The following APLF variants were observed in gnomAD, a reference collection of about 807,000 sequenced individuals.
APLF encodes aprataxin and PNKP like factor.
A neutral mutation model predicts 55.6 loss-of-function variants in APLF; 61 were observed. That is an observed-to-expected ratio of 1.10 (90% CI 0.89 to 1.36). The LOEUF (loss-of-function observed/expected upper bound fraction) is 1.36, where lower values mean the gene tolerates loss of function less well. APLF is among the 40% of genes most tolerant of loss of function. APLF has a pLI of 0.00. For synonymous variants in APLF, 207 were observed against 214.8 expected (o/e 0.96, Z 0.32); for missense variants, 611 against 602.5 (o/e 1.01, Z -0.15).
At chr2:68,490,146 A>G (rs772913263) in intron 1 of APLF, 44 bp from the exon 2 acceptor site, 2 of 1,438,114 alleles carry the variant, frequency 1.4e-6, no homozygotes, top group Non-Finnish European at 1.9e-6. Flanking sequence ...GTTGCTTTTT[A>G]AGGAGGTGGC....
intron 5 of APLF, among the ~76,000 whole-genome samples, chr2:68,517,762 A>C (rs564047582): frequency 2.3e-4 from 34 of 145,378 alleles, no homozygotes; most frequent in African/African-American, 7.4e-4. Context: ...TACTGTTAAT[A>C]TATAACAGTA....
At chr2:68,506,741 A>G (rs1161381103) in intron 3 of APLF, among the ~76,000 whole-genome samples, 1 of 152,090 alleles carries the variant, frequency 6.6e-6, no homozygotes, top group South Asian at 2.1e-4. Flanking sequence ...AATGTTTACT[A>G]TAGCACTCAT....
chr2:68,480,373 C>T (rs943717929), intron 1 of APLF, among the ~76,000 whole-genome samples: 1 of 150,998 alleles, frequency 6.6e-6, no homozygotes, highest in Non-Finnish European at 1.5e-5. Flanking sequence ...GGCATGATCT[C>T]GGCTCACTGC....
At chr2:68,561,263 C>G (rs1305483699) in intron 8 of APLF, among the ~76,000 whole-genome samples, 1 of 152,142 alleles carries the variant, frequency 6.6e-6, no homozygotes, top group East Asian at 1.9e-4. Context: ...GTTATCCCTC[C>G]TTTTCAGATG....
chr2:68,483,930 A>G (rs974532420), intron 1 of APLF, among the ~76,000 whole-genome samples: 5 of 152,152 alleles, frequency 3.3e-5, no homozygotes, highest in African/African-American at 9.7e-5. Flanking sequence ...TGTGTTGTCT[A>G]TATTATATGT....
intron 5 of APLF, among the ~76,000 whole-genome samples, chr2:68,518,212 A>G (rs866812633): frequency 8.2e-6 from 1 of 121,242 alleles, no homozygotes; most frequent in Non-Finnish European, 1.6e-5. Flanking sequence ...ATAATAATAT[A>G]TCGTTAATAT....
rs2103990100 is a variant in APLF, at chr2:68,529,490, A to G, written c.804+3248A>G. On this transcript the variant is annotated intron_variant, in intron 6 of 9. Coordinates refer to ENST00000303795, the MANE Select transcript of APLF (RefSeq NM_173545.3). The surrounding 1 kb of genome is among the most constrained non-coding windows in gnomAD (Gnocchi z 4.4). ...TTTGAGCGAGTTGTGCACAGACGAAACTAAGGGTCAGAAGCGGAGAGGATA... is the reference window on the plus strand; with the variant it reads ...TTTGAGCGAGTTGTGCACAGACGAAGCTAAGGGTCAGAAGCGGAGAGGATA... 9.5e-7 allele frequency: 1 copy of G among 1,053,984 alleles called. No individual in the cohort carries two copies. Among genetic ancestry groups the G allele is most frequent in the Non-Finnish European group, 1.1e-6 (1 of 870,710 alleles). The allele number at this position is 1,053,984 out of a possible 1,614,324, so 65.3% of individuals were successfully genotyped here.
chr2:68,517,780 A>G (rs1034333551), intron 5 of APLF, among the ~76,000 whole-genome samples: 2 of 145,232 alleles, frequency 1.4e-5, no homozygotes, highest in Admixed American at 7.0e-5. Flanking sequence ...GTAATATATC[A>G]CTAATATAAT....
intron 2 of APLF, among the ~76,000 whole-genome samples, chr2:68,492,371 T>G (rs567757082): frequency 6.6e-6 from 1 of 152,056 alleles, no homozygotes; most frequent in Admixed American, 6.5e-5. Context: ...CCAGCTACTC[T>G]GGAGGCTGAG....
chr2:68,572,558 G>A (rs983757553), intron 9 of APLF, among the ~76,000 whole-genome samples: 1 of 152,222 alleles, frequency 6.6e-6, no homozygotes, highest in African/African-American at 2.4e-5. Context: ...CAGTTTGGCT[G>A]GGTGTGGTGG....
In APLF at chr2:68,529,322, C is replaced by A; in HGVS notation, c.804+3080C>A. On this transcript the variant is annotated intron_variant, in intron 6 of 9. Transcript: ENST00000303795. This position sits in a 1 kb window ranked among gnomAD's most constrained non-coding sequence, Gnocchi z 4.4. ...GAGGAGTGGGAAACAGCCAAAGAGTCCTGGGGCAGGCACAGGTGCAGGAGC... is the reference window on the plus strand; with the variant it reads ...GAGGAGTGGGAAACAGCCAAAGAGTACTGGGGCAGGCACAGGTGCAGGAGC... 7.4e-7 allele frequency: 1 copy of A among 1,358,044 alleles called. No homozygotes were observed. Among genetic ancestry groups the A allele is most frequent in the South Asian group, 1.9e-5 (1 of 53,148 alleles). The allele number at this position is 1,358,044 out of a possible 1,614,324, so 84.1% of individuals were successfully genotyped here.
intron 1 of APLF, among the ~76,000 whole-genome samples, chr2:68,471,302 G>A (rs936695256): frequency 6.6e-6 from 1 of 152,170 alleles, no homozygotes; most frequent in African/African-American, 2.4e-5. Flanking sequence ...AATGAATTAA[G>A]TTTTAACATT....
At chr2:68,540,551 A>T (rs1399605275) in intron 7 of APLF, among the ~76,000 whole-genome samples, 1 of 152,038 alleles carries the variant, frequency 6.6e-6, no homozygotes, top group South Asian at 2.1e-4. Flanking sequence ...GGGTCAAAAG[A>T]TATTTCTGGT....
intron 9 of APLF, among the ~76,000 whole-genome samples, chr2:68,567,792 C>T (rs1172132590): frequency 6.6e-6 from 1 of 152,020 alleles, no homozygotes; most frequent in Non-Finnish European, 1.5e-5. Context: ...TTCATTCTGT[C>T]TTTAGAGGGG....
intron 8 of APLF, among the ~76,000 whole-genome samples, chr2:68,564,947 G>A (rs1235932104): frequency 6.6e-6 from 1 of 152,066 alleles, no homozygotes; most frequent in Non-Finnish European, 1.5e-5. Context: ...GCCACATGTG[G>A]CTGTTTACAT....
In APLF at chr2:68,468,492, T is replaced by C. The variant is rs1431369839; in HGVS notation, c.96+665T>C. ...CAAGACCGTATCAGTTAGCTATTTT[T>C]ATTATCCTCATTGTTCAGATGAGAA... On this transcript the variant is annotated intron_variant, in intron 1 of 9. Coordinates refer to ENST00000303795, the MANE Select transcript of APLF (RefSeq NM_173545.3). Among the ~76,000 whole-genome samples, 4 of 152,362 alleles carry C rather than the reference T, an allele frequency of 2.6e-5. No homozygotes were observed. The East Asian group carries it at 7.7e-4, about 29-fold the overall frequency.
At chr2:68,565,491 T>G (rs970122289) in intron 8 of APLF, among the ~76,000 whole-genome samples, 1 of 143,116 alleles carries the variant, frequency 7.0e-6, no homozygotes, top group African/African-American at 2.8e-5. Context: ...GGATGGATAG[T>G]TAGATAGACA....
At chr2:68,537,417 G>T (rs371590288) in intron 6 of APLF, among the ~76,000 whole-genome samples, 11 of 151,300 alleles carry the variant, frequency 7.3e-5, no homozygotes, top group African/African-American at 2.4e-4. Context: ...GCCCAGGCTG[G>T]AGTGCAATGG....
intron 5 of APLF, among the ~76,000 whole-genome samples, chr2:68,523,677 A>G (rs899375968): frequency 6.6e-6 from 1 of 151,958 alleles, no homozygotes; most frequent in African/African-American, 2.4e-5. Context: ...AACAGCTCAT[A>G]TAAGTGCCAT....
Sources: gnomAD v4.1 joint callset for allele counts (sites outside exome capture counted in the v4.1 genomes callset) on GRCh38, gnomAD v4.1.1 for gene constraint, Gnocchi (gnomAD v3.1) non-coding constraint, MANE v1.5 for transcripts, NCBI Gene and HGNC (gene_info 2026-07-23, HGNC 2026-07-21) for gene names.